Variants in VANGL1 observed in about 807,000 individuals in gnomAD.
VANGL1 encodes the protein VANGL planar cell polarity protein 1, also known as vang-like protein 1.
In VANGL1, 18 loss-of-function variants were observed where a neutral mutation model predicts 48.4. The observed-to-expected ratio is 0.37, with a 90% confidence interval of 0.26 to 0.55. The LOEUF is 0.55. Ranked by LOEUF, VANGL1 falls within the 20% of genes least tolerant of loss-of-function variation. The pLI is 0.81. For synonymous variants in VANGL1, 257 were observed against 261.8 expected (o/e 0.98, Z 0.18); for missense variants, 667 against 675.8 (o/e 0.99, Z 0.14).
chr1:115,686,513 C>T (rs1000134913), intron 7 of VANGL1, among the ~76,000 whole-genome samples: 2 of 151,860 alleles, frequency 1.3e-5, no homozygotes, highest in African/African-American at 2.4e-5. Flanking sequence ...AGAGTTGTGG[C>T]CAAGGAGGCA....
chr1:115,657,867 T>G (rs11586209), intron 2 of VANGL1, among the ~76,000 whole-genome samples: 44,965 of 151,764 alleles, frequency 0.3, 8,264 homozygotes, highest in African/African-American at 0.53. Context: ...AGTGAAGCAG[T>G]AGCAGGCACA....
intron 5 of VANGL1, 144 bp downstream of exon 5, chr1:115,682,641 T>A: frequency 7.7e-6 from 10 of 1,290,450 alleles, no homozygotes; most frequent in Non-Finnish European, 1.1e-5. Context: ...CTCTTTTTTA[T>A]GTAGGCAGAC....
rs549041171 is a variant in VANGL1, at chr1:115,696,511, G to T, written c.*5132G>T. ...ACCATAGTTTTCTGCCCTGCTGTTT[G>T]CTTTCAATGGAAGACAGTAAAGGGA... On this transcript the variant is annotated 3_prime_UTR_variant, in exon 8 of 8. Coordinates refer to ENST00000355485, the MANE Select transcript of VANGL1 (RefSeq NM_138959.3). 27 of 152,266 alleles carry T rather than the reference G, an allele frequency of 1.8e-4. No homozygotes were observed. Among genetic ancestry groups the T allele is most frequent in the Non-Finnish European group, 3.7e-4 (25 of 68,022 alleles). 9.4% of individuals were successfully genotyped at this position (152,266 alleles called of 1,614,324 possible).
At chr1:115,661,109 G>A (rs1652531352) in intron 3 of VANGL1, among the ~76,000 whole-genome samples, 1 of 152,196 alleles carries the variant, frequency 6.6e-6, no homozygotes, top group Admixed American at 6.5e-5. Context: ...GAAAAGCATT[G>A]AGATGGGTGT....
At chr1:115,681,667 C>T (rs1367612832) in intron 4 of VANGL1, among the ~76,000 whole-genome samples, 3 of 151,962 alleles carry the variant, frequency 2.0e-5, no homozygotes, top group Non-Finnish European at 4.4e-5. Context: ...CCACTACACC[C>T]CGGTAATTTT....
chr1:115,680,217 C>G (rs1653334222), intron 4 of VANGL1, among the ~76,000 whole-genome samples: 1 of 152,108 alleles, frequency 6.6e-6, no homozygotes, highest in South Asian at 2.1e-4. Flanking sequence ...GCAGGAAGAG[C>G]TCTCGTGACA....
chr1:115,685,193 G>T, intron 6 of VANGL1, 100 bp from the exon 7 acceptor site: 2 of 1,293,894 alleles, frequency 1.5e-6, no homozygotes, highest in Admixed American at 1.9e-5. Flanking sequence ...CCTTGGGTAT[G>T]TTGGCAGGTT....
chr1:115,679,317 C>T (rs1395045805), intron 4 of VANGL1, among the ~76,000 whole-genome samples: 1 of 152,214 alleles, frequency 6.6e-6, no homozygotes, highest in Non-Finnish European at 1.5e-5. Flanking sequence ...TGAGCAAAGA[C>T]TCTCACTCTT....
At chr1:115,646,329 C>T (rs1651911960) in intron 1 of VANGL1, among the ~76,000 whole-genome samples, 2 of 152,032 alleles carry the variant, frequency 1.3e-5, no homozygotes, top group Admixed American at 6.6e-5. Context: ...CCTCCAGCCC[C>T]TACCCAAGCA....
rs1358554495 is a variant in VANGL1, at chr1:115,657,427, G to T, written c.72-2214G>T. Among the ~76,000 whole-genome samples the T allele has an allele frequency of 2.6e-5, 4 of 152,266 alleles. No homozygotes were observed. The South Asian group carries it at 8.3e-4, about 32-fold the overall frequency. ...TAGCTTGAGAAGTAACTTGAACTCT[G>T]TGAGCCTCAGTTTCCTTGTCTGTAG... On this transcript the variant is annotated intron_variant, in intron 2 of 7. Coordinates refer to ENST00000355485, the MANE Select transcript of VANGL1 (RefSeq NM_138959.3).
intron 1 of VANGL1, among the ~76,000 whole-genome samples, chr1:115,646,095 T>G (rs1245757892): frequency 2.0e-5 from 3 of 152,222 alleles, no homozygotes; most frequent in Non-Finnish European, 2.9e-5. Flanking sequence ...GTAGGATTTT[T>G]ATATGAGTGA....
chr1:115,655,521 C>A (rs1313750612), intron 2 of VANGL1, among the ~76,000 whole-genome samples: 4 of 152,170 alleles, frequency 2.6e-5, no homozygotes, highest in Admixed American at 6.5e-5. Context: ...CTCATACAGG[C>A]AGATGTTGCG....
intron 7 of VANGL1, among the ~76,000 whole-genome samples, chr1:115,689,332 G>A (rs1570778585): frequency 7.3e-6 from 1 of 136,428 alleles, no homozygotes. Flanking sequence ...AGCAGGGTGT[G>A]AATAAAAGAG....
rs183810210 is a variant in VANGL1, at chr1:115,682,327, A to G, written c.813-37A>G. On this transcript the variant is annotated intron_variant, in intron 4 of 7. Coordinates refer to ENST00000355485, the MANE Select transcript of VANGL1 (RefSeq NM_138959.3). ...TCGTTTAGGACCTGCTTCTTCAGTGAAAAAGCTTTGCATTAATTTTGTTCT... is the reference window on the plus strand; with the variant it reads ...TCGTTTAGGACCTGCTTCTTCAGTGGAAAAGCTTTGCATTAATTTTGTTCT... 60 of 1,612,664 alleles carry G rather than the reference A, an allele frequency of 3.7e-5. No homozygotes were observed. In the East Asian group the frequency reaches 7.1e-4, roughly 19 times the overall value.
At chr1:115,679,624 C>A (rs944368752) in intron 4 of VANGL1, among the ~76,000 whole-genome samples, 4 of 152,240 alleles carry the variant, frequency 2.6e-5, no homozygotes, top group Non-Finnish European at 4.4e-5. Flanking sequence ...CCCACCCATC[C>A]CCTCACAGGC....
rs1276244164 is a variant in VANGL1, at chr1:115,682,384, T to C, written c.833T>C (p.Val278Ala). ...CTCAGTATCCAGCGAGCAGCATTGG[T>C]GGTCCTAGAAAATTACTACAAAGAT... ...GHLSIQRAAL[V>A]VLENYYKDFT... Residue 278 changes from valine (V) to alanine (A), a missense_variant, in exon 5 of 8, where the codon GTG becomes GCG. Transcript: ENST00000355485. The C allele has an allele frequency of 3.1e-6, 5 of 1,614,052 alleles. No individual in the cohort carries two copies. Among genetic ancestry groups the C allele is most frequent in the Non-Finnish European group, 3.4e-6 (4 of 1,180,042 alleles).
At chr1:115,644,175 A>T (rs996382803) in intron 1 of VANGL1, among the ~76,000 whole-genome samples, 1 of 152,224 alleles carries the variant, frequency 6.6e-6, no homozygotes, top group Non-Finnish European at 1.5e-5. Context: ...TGTAGCTAAG[A>T]ACACAGGTTC....
rs369543626 is a variant in VANGL1 at position 115,659,673 on chromosome 1, G to A, written c.104G>A (p.Arg35Gln). 5.8e-5 allele frequency: 93 copies of A among 1,613,946 alleles called. No homozygotes were observed. Among genetic ancestry groups the A allele is most frequent in the African/African-American group, 1.1e-4 (8 of 74,876 alleles). Residue 35 changes from arginine to glutamine, a missense_variant, in exon 3 of 8, where the codon CGG becomes CAG. Coordinates refer to ENST00000355485, the MANE Select transcript of VANGL1 (RefSeq NM_138959.3). ...ACTAGAGAGAGACACAAGTCACCCC[G>A]GAATAAAGACGGCAGAGGGTCAGAA... ...ERTRERHKSP[R>Q]NKDGRGSEKS...
chr1:115,655,393 A>G (rs1652306554), intron 2 of VANGL1, among the ~76,000 whole-genome samples: 1 of 152,226 alleles, frequency 6.6e-6, no homozygotes, highest in Non-Finnish European at 1.5e-5. Context: ...CTCTAGAACC[A>G]CCTAAACAGA....
Sources: gnomAD v4.1 joint callset for allele counts (sites outside exome capture counted in the v4.1 genomes callset) on GRCh38, gnomAD v4.1.1 for gene constraint, MANE v1.5 for transcripts, NCBI Gene and HGNC (gene_info 2026-07-23, HGNC 2026-07-21) for gene names.